ANKFN1: variants seen among roughly 807,000 people sequenced by gnomAD.
ANKFN1 encodes ankyrin repeat and fibronectin type III domain containing 1, also known as ankyrin repeat and fibronectin type-III domain-containing protein 1.
ANKFN1 carries 74 observed loss-of-function variants against 108.7 expected under a neutral mutation model. The ratio of observed to expected loss-of-function variants is 0.68; its 90% CI spans 0.56 to 0.83. ANKFN1 has a LOEUF of 0.83. ANKFN1 is among the 40% of genes least tolerant of loss of function. The pLI is 0.00. For synonymous variants in ANKFN1, 547 were observed against 516.2 expected (o/e 1.06, Z -0.81); for missense variants, 1,505 against 1,382.3 (o/e 1.09, Z -1.41).
chr17:56,240,252 C>T (rs941206408), intron 3 of ANKFN1, among the ~76,000 whole-genome samples: 4 of 152,016 alleles, frequency 2.6e-5, no homozygotes, highest in African/African-American at 4.8e-5. Context: ...GAGCAATATC[C>T]GTCATTGCTT....
At position 56,511,454 on chromosome 17, in the gene ANKFN1, C is replaced by G. The variant is rs558712247; in HGVS notation, c.*185C>G. ...AGTGGTGGGTGGAGGCCAGAGTTGC[C>G]AGTGCCATTCCCACTTCAGCCTAGA... On this transcript the variant is annotated 3_prime_UTR_variant, in exon 21 of 21. Coordinates refer to ENST00000682825, the MANE Select transcript of ANKFN1 (RefSeq NM_001370326.1). 1.5e-5 allele frequency: 10 copies of G among 653,538 alleles called. No homozygotes were observed. The South Asian group carries it at 2.1e-4, about 14-fold the overall frequency. The allele number at this position is 653,538 out of a possible 1,614,324, so 40.5% of individuals were successfully genotyped here. A position where few individuals can be genotyped will look rare whatever the true frequency, so the allele number is the denominator to read the frequency against.
chr17:56,483,343 T>G (rs1234561570), intron 18 of ANKFN1, among the ~76,000 whole-genome samples: 1 of 151,694 alleles, frequency 6.6e-6, no homozygotes, highest in Admixed American at 6.6e-5. Flanking sequence ...TGCAGGAGGG[T>G]GAGTGAGTGG....
At chr17:56,157,762 G>A (rs567681151) in intron 1 of ANKFN1, among the ~76,000 whole-genome samples, 1 of 152,150 alleles carries the variant, frequency 6.6e-6, no homozygotes, top group Non-Finnish European at 1.5e-5. Context: ...TTAATCTAGG[G>A]CTTGAGGGTA....
chr17:56,296,326 G>A (rs1245777416), intron 3 of ANKFN1, among the ~76,000 whole-genome samples: 1 of 152,078 alleles, frequency 6.6e-6, no homozygotes, highest in East Asian at 1.9e-4. Context: ...TTGGCCTTTG[G>A]CATTTAAATG....
At chr17:56,288,744 C>CA (rs1197381906) in intron 3 of ANKFN1, among the ~76,000 whole-genome samples, 2 of 152,136 alleles carry the variant, frequency 1.3e-5, no homozygotes, top group Non-Finnish European at 2.9e-5. Context: ...GTAGTAGACT[C>CA]CCCAAAAAGG....
chr17:56,449,151 A>G lies in ANKFN1; in HGVS notation c.1172A>G (p.Gln391Arg). The change falls in exon 11 of 21, where the codon CAG becomes CGG. Residue 391 changes from glutamine (Q) to arginine (R), a missense_variant. Gln to Arg is a conservative substitution (Grantham distance 43, BLOSUM62 1). Coordinates refer to ENST00000682825, the MANE Select transcript of ANKFN1 (RefSeq NM_001370326.1). ...GAAGTTTTGGAAGGTCTGCTGCAGC[A>G]GGTCCGAGCCCTTCATCAGCATTAC... is the stretch of plus-strand genomic sequence containing the variant. ...QSEVLEGLLQ[Q>R]VRALHQHYSC... The G allele has an allele frequency of 6.2e-7, 1 of 1,613,616 alleles. No homozygotes were observed. The highest frequency in any genetic ancestry group is 8.5e-7 in the Non-Finnish European group (1 of 1,179,668).
At chr17:56,213,791 G>A (rs1302615539) in intron 2 of ANKFN1, among the ~76,000 whole-genome samples, 2 of 152,170 alleles carry the variant, frequency 1.3e-5, no homozygotes, top group Admixed American at 1.3e-4. Flanking sequence ...AAAGCAATAA[G>A]CACATGGCTA....
chr17:56,324,341 G>A (rs2045456804), intron 3 of ANKFN1, among the ~76,000 whole-genome samples: 1 of 152,164 alleles, frequency 6.6e-6, no homozygotes, highest in Non-Finnish European at 1.5e-5. Context: ...GTAGACTAAT[G>A]AATACATGGA....
chr17:56,228,391 G>A (rs192347012), intron 3 of ANKFN1: 64 of 166,796 alleles, frequency 3.8e-4, no homozygotes, highest in African/African-American at 1.2e-3. Context: ...TGTGTACTGC[G>A]TTATGGCCAC....
At chr17:56,118,473 A>C (rs1220502719) in intron 4 of ANKFN1, among the ~76,000 whole-genome samples, 1 of 152,160 alleles carries the variant, frequency 6.6e-6, no homozygotes, top group Non-Finnish European at 1.5e-5. Context: ...ATATCTTAGA[A>C]TCTGTGATAT....
At chr17:56,378,279 T>C (rs1018473378) in intron 8 of ANKFN1, among the ~76,000 whole-genome samples, 1 of 152,082 alleles carries the variant, frequency 6.6e-6, no homozygotes, top group Non-Finnish European at 1.5e-5. Context: ...GAGTCTACCA[T>C]TGGGACATTA....
In ANKFN1 at chr17:56,207,847, G is replaced by A. The variant is rs150221430; in HGVS notation, c.-70-4751G>A. On this transcript the variant is annotated intron_variant, in intron 1 of 20. Coordinates refer to ENST00000682825, the MANE Select transcript of ANKFN1 (RefSeq NM_001370326.1). The stretch of plus-strand genomic sequence containing the variant: ...TTTTAGATCCTCCTTAATAATAGAT[G>A]TGAAGCCAGTAACTTCAGAAGCTGC... Among the ~76,000 whole-genome samples, 439 of 152,150 alleles carry A rather than the reference G, an allele frequency of 2.9e-3. 2 individuals are homozygous for A. The highest frequency in any genetic ancestry group is 0.01 in the Middle Eastern group (3 of 294).
At chr17:56,257,972 T>A (rs955096689) in intron 3 of ANKFN1, 1 of 152,186 alleles carries the variant, frequency 6.6e-6, no homozygotes, top group African/African-American at 2.4e-5. Flanking sequence ...TTACTCCACT[T>A]AGAATATGAG....
chr17:56,351,609 G>A (rs929201174), intron 5 of ANKFN1, among the ~76,000 whole-genome samples: 1 of 152,084 alleles, frequency 6.6e-6, no homozygotes, highest in Non-Finnish European at 1.5e-5. Flanking sequence ...ATTGGTTATA[G>A]CATCCCATCT....
At chr17:56,128,256 G>A (rs567083713) in intron 4 of ANKFN1, among the ~76,000 whole-genome samples, 164 of 150,978 alleles carry the variant, frequency 1.1e-3, no homozygotes, top group Non-Finnish European at 1.4e-3. Context: ...TTCCTGGGAG[G>A]TGCTCAGTGA....
At chr17:56,215,358 A>G (rs1024833254) in intron 2 of ANKFN1, among the ~76,000 whole-genome samples, 1 of 152,226 alleles carries the variant, frequency 6.6e-6, no homozygotes, top group Non-Finnish European at 1.5e-5. Flanking sequence ...AATTGGGATG[A>G]GAATAGCACC....
rs1217308407 is a variant in ANKFN1, at chr17:56,297,997, A to G, written c.54-28224A>G. Among the ~76,000 whole-genome samples the G allele has an allele frequency of 2.0e-5, 3 of 152,220 alleles. No individual in the cohort carries two copies. In the South Asian group the frequency reaches 6.2e-4, roughly 31 times the overall value. On this transcript the variant is annotated intron_variant, in intron 3 of 20. Transcript: ENST00000682825. ...AAAACAGCAAGAACCAAGACCTTGT[A>G]GAGCAGTGGATCTCAGAGTGCGGTC...
In ANKFN1 at chr17:56,512,023, A is replaced by G. The variant is rs1404158296; in HGVS notation, c.*754A>G. On this transcript the variant is annotated 3_prime_UTR_variant, in exon 21 of 21. Transcript: ENST00000682825. ...CTGTATACTCAGCTCCCATCCAAGC[A>G]TGAAAATGATCCATAGATTTTTACA... 3.3e-5 allele frequency among the ~76,000 whole-genome samples: 5 copies of G among 152,358 alleles called. No homozygotes were observed. Among genetic ancestry groups the G allele is most frequent in the Non-Finnish European group, 7.3e-5 (5 of 68,030 alleles).
intron 3 of ANKFN1, among the ~76,000 whole-genome samples, chr17:56,253,683 G>A (rs2043288608): frequency 1.3e-5 from 2 of 152,052 alleles, no homozygotes; most frequent in African/African-American, 4.8e-5. Flanking sequence ...AGATTGCAGT[G>A]AGCCGAGATC....
Sources: allele counts gnomAD v4.1 joint callset (sites outside exome capture counted in the v4.1 genomes callset), GRCh38; gene constraint gnomAD v4.1.1; transcripts MANE v1.5; gene names NCBI Gene and HGNC (gene_info 2026-07-23, HGNC 2026-07-21).